The following ZNF800 variants were observed in gnomAD, a reference collection of about 807,000 sequenced individuals.
The protein encoded by ZNF800 is zinc finger protein 800.
Under a neutral mutation model 59.5 loss-of-function variants are expected in ZNF800, and 13 were observed. That is an observed-to-expected ratio of 0.22 (90% confidence interval 0.14 to 0.35). The LOEUF is 0.35. Among genes scored for constraint, ZNF800 ranks in the 10% least tolerant of loss-of-function variants. The pLI is 1.00. For missense variants in ZNF800, 621 were observed against 783.7 expected (o/e 0.79, Z 2.48); for synonymous variants, 266 against 265.7 (o/e 1.00, Z -0.01).
downstream of ZNF800, among the ~76,000 whole-genome samples, chr7:127,343,446 T>A (rs573185367): frequency 6.6e-6 from 1 of 151,820 alleles, no homozygotes; most frequent in Non-Finnish European, 1.5e-5. Context: ...TGAAAATGCA[T>A]GTTTTTCTTT....
rs746364506 is a variant in ZNF800, at chr7:127,373,619, C to T, written c.1717G>A (p.Ala573Thr). ...TCATCCCTCGAAGGGCCTCTTTTTG[C>T]CACTTTATTTAGAACAAAATCAATA... is the stretch of plus-strand genomic sequence containing the variant. Reference protein sequence around the residue: ...KPIDFVLNKVAKRGPSRDEAK... With the variant: ...KPIDFVLNKVTKRGPSRDEAK... The change falls in exon 5 of 6, where the codon GCA becomes ACA. Residue 573 changes from alanine (A) to threonine (T), a missense_variant. Physicochemically the swap from Ala to Thr is moderately conservative, Grantham distance 58. Around this residue, in one of 7 missense-constraint regions of ZNF800, gnomAD observed 94 missense variants for 108.5 expected, o/e 0.87. Coordinates refer to ENST00000265827, the MANE Select transcript of ZNF800 (RefSeq NM_176814.5). 4 of 1,613,960 alleles carry T rather than the reference C, an allele frequency of 2.5e-6. No individual in the cohort carries two copies. In the East Asian group the frequency reaches 6.7e-5, roughly 27 times the overall value.
intron 1 of ZNF800, chr7:127,364,419 A>T (rs564590219): frequency 6.6e-6 from 1 of 152,168 alleles, no homozygotes; most frequent in African/African-American, 2.4e-5. Context: ...CAGGATCAAG[A>T]GACAGATTTC....
downstream of ZNF800, among the ~76,000 whole-genome samples, chr7:127,369,536 G>C (rs537375379): frequency 2.0e-5 from 3 of 152,206 alleles, no homozygotes; most frequent in East Asian, 5.8e-4. Flanking sequence ...GTGGTCACTT[G>C]TTTGTTCTAC....
intron 1 of ZNF800, chr7:127,349,978 G>T (rs913697954): frequency 6.6e-6 from 1 of 152,118 alleles, no homozygotes; most frequent in African/African-American, 2.4e-5. Flanking sequence ...ATAACACAAG[G>T]TTCCTACCTT....
intron 1 of ZNF800, among the ~76,000 whole-genome samples, 197 bp downstream of exon 1, chr7:127,391,863 G>GGCGGCTGCGGCCTCGCC (rs1562913671): frequency 1.4e-4 from 21 of 151,488 alleles, no homozygotes. Context: ...CCGGCAGCGC[G>GGCGGCTGCGGCCTCGCC]GGCGGCTGCG....
chr7:127,362,121 A>G (rs1244986989), intron 1 of ZNF800: 1 of 152,162 alleles, frequency 6.6e-6, no homozygotes, highest in Non-Finnish European at 1.5e-5. Context: ...TCCAAGCCCC[A>G]GTGTAAGAAC....
chr7:127,377,211 G>A lies in ZNF800; in HGVS notation c.276C>T (p.Cys92=). The A allele has an allele frequency of 6.2e-7, 1 of 1,611,718 alleles. No homozygotes were observed. The highest frequency in any genetic ancestry group is 1.1e-5 in the South Asian group (1 of 90,720). The change falls in exon 4 of 6, where the codon TGC becomes TGT. Residue 92 remains cysteine (C), a synonymous_variant. Transcript: ENST00000265827. The surrounding 1 kb of genome is among the most constrained non-coding windows in gnomAD (Gnocchi z 4.7). ...TGTCATCCATCTGGAGACTTGGTGG[G>A]CAGTAGAATTTTTTATGGGTAATTA... The part of the protein sequence containing the change: ...PNLITHKKFY[C]PPSLQMDDNL...
At chr7:127,369,174 C>T (rs542120384), downstream of ZNF800, among the ~76,000 whole-genome samples, 1 of 152,210 alleles carries the variant, frequency 6.6e-6, no homozygotes, top group South Asian at 2.1e-4. Flanking sequence ...TGTTGTTTCT[C>T]CTCTCCCACC....
chr7:127,344,422 A>G (rs1800022055), downstream of ZNF800, among the ~76,000 whole-genome samples: 1 of 152,130 alleles, frequency 6.6e-6, no homozygotes. Flanking sequence ...GAAATTTAAT[A>G]TTACAAAGTT....
Position 127,392,290 on chromosome 7 carries a change from C to G in ZNF800, c.-289G>C. ...CCTCCGCGGGCCGAGACGACTGCGG[C>G]GGCGGCTCACGGCGTCCTCCGCGCT... On this transcript the variant is annotated 5_prime_UTR_variant, in exon 1 of 6. Coordinates refer to ENST00000265827, the MANE Select transcript of ZNF800 (RefSeq NM_176814.5). The G allele has an allele frequency of 2.6e-6, 1 of 389,536 alleles. No homozygotes were observed. Among genetic ancestry groups the G allele is most frequent in the Non-Finnish European group, 4.5e-6 (1 of 220,114 alleles). The allele number at this position is 389,536 out of a possible 1,614,324, so 24.1% of individuals were successfully genotyped here. A position where few individuals can be genotyped will look rare whatever the true frequency, so the allele number is the denominator to read the frequency against.
Position 127,371,571 on chromosome 7 carries a change from G to A in ZNF800, c.*243C>T, listed in dbSNP as rs1053455937. 8 of 372,392 alleles carry A rather than the reference G, an allele frequency of 2.1e-5. No individual in the cohort carries two copies. In the Admixed American group the frequency reaches 2.3e-4, roughly 11 times the overall value. 23.1% of individuals were successfully genotyped at this position (372,392 alleles called of 1,614,324 possible). A position where few individuals can be genotyped will look rare whatever the true frequency, so the allele number is the denominator to read the frequency against. The stretch of plus-strand genomic sequence containing the variant: ...ACAAGGTCAAGGGTGGATAGCTGAT[G>A]GACTGTGATGACAACATGTAATATC... On this transcript the variant is annotated 3_prime_UTR_variant, in exon 6 of 6. Coordinates refer to ENST00000265827, the MANE Select transcript of ZNF800 (RefSeq NM_176814.5).
intron 3 of ZNF800, among the ~76,000 whole-genome samples, chr7:127,383,586 A>G (rs955855794): frequency 2.6e-5 from 4 of 152,214 alleles, no homozygotes; most frequent in Non-Finnish European, 5.9e-5. Context: ...CAAGTTATAC[A>G]GTCCAGACTT....
chr7:127,389,972 T>G (rs143840333), intron 2 of ZNF800, among the ~76,000 whole-genome samples: 1 of 152,316 alleles, frequency 6.6e-6, no homozygotes, highest in East Asian at 1.9e-4. Context: ...TACTTCTTTA[T>G]GTTTATCTCT....
rs746805537 is a variant in ZNF800, at chr7:127,391,515, G to A, written c.43C>T (p.His15Tyr). ...GGTCTACCTGGTTCACAGCATCCGT[G>A]ATGATGGTGGTCAGTCTGACAGTAT... ...DKYCQTDHHH[H>Y]GCCEPVYILE... The change falls in exon 2 of 6, where the codon CAC becomes TAC. Residue 15 changes from histidine (H) to tyrosine (Y), a missense_variant. By Grantham distance (83) the His-to-Tyr change is moderately conservative (BLOSUM62 2). This residue lies in a region of ZNF800 where 57 missense variants were observed against 77.1 expected (regional missense o/e 0.74). Coordinates refer to ENST00000265827, the MANE Select transcript of ZNF800 (RefSeq NM_176814.5). 2 of 1,614,060 alleles carry A rather than the reference G, an allele frequency of 1.2e-6. No homozygotes were observed. The highest frequency in any genetic ancestry group is 1.7e-6 in the Non-Finnish European group (2 of 1,180,032).
chr7:127,358,345 C>T (rs929888118), intron 1 of ZNF800, among the ~76,000 whole-genome samples: 5 of 151,772 alleles, frequency 3.3e-5, no homozygotes, highest in African/African-American at 7.3e-5. Flanking sequence ...GTATCCTTTT[C>T]TGTAGTCTCA....
chr7:127,365,671 T>G (rs1252821452), downstream of ZNF800, among the ~76,000 whole-genome samples: 1 of 152,066 alleles, frequency 6.6e-6, no homozygotes, highest in African/African-American at 2.4e-5. Context: ...CGTGAACAAT[T>G]AGCAAAAGGT....
intron 4 of ZNF800, among the ~76,000 whole-genome samples, chr7:127,376,263 T>C (rs1587443031): frequency 6.6e-6 from 1 of 151,940 alleles, no homozygotes; most frequent in Non-Finnish European, 1.5e-5. Context: ...GAGATTGCAT[T>C]TCATACCAAT....
chr7:127,375,138 T>A, intron 4 of ZNF800, 104 bp from the exon 5 acceptor site: 1 of 915,980 alleles, frequency 1.1e-6, no homozygotes, highest in Non-Finnish European at 1.5e-6. Flanking sequence ...TATATCATAT[T>A]ACCAGTTTAT....
intron 1 of ZNF800, 149 bp downstream of exon 1, chr7:127,391,911 C>T (rs2117232366): frequency 2.7e-6 from 1 of 368,180 alleles, no homozygotes; most frequent in Middle Eastern, 7.2e-4. Flanking sequence ...AAACGGAGCG[C>T]AGAGCGCGGC....
Sources: gnomAD v4.1 joint callset for allele counts (sites outside exome capture counted in the v4.1 genomes callset) on GRCh38, gnomAD v4.1.1 for gene constraint, gnomAD v4.1.1 regional missense constraint, Gnocchi (gnomAD v3.1) non-coding constraint, MANE v1.5 for transcripts, NCBI Gene and HGNC (gene_info 2026-07-23, HGNC 2026-07-21) for gene names.